The following LRP1B variants were observed in gnomAD, a reference collection of about 807,000 sequenced individuals.
The protein encoded by LRP1B is LDL receptor related protein 1B.
Under a neutral mutation model 556.6 loss-of-function variants are expected in LRP1B, and 217 were observed. The observed-to-expected ratio is 0.39, with a 90% confidence interval of 0.35 to 0.44. The LOEUF (loss-of-function observed/expected upper bound fraction) is 0.44, where lower values mean the gene tolerates loss of function less well. Among genes scored for constraint, LRP1B ranks in the 20% least tolerant of loss-of-function variants. The pLI, the probability that LRP1B is intolerant of heterozygous loss-of-function variation, is 1.00. For missense variants in LRP1B, 5,053 were observed against 5,620.8 expected, an observed-to-expected ratio of 0.90 and a Z score of 3.23; for synonymous variants, 2,047 against 1,865.8, an observed-to-expected ratio of 1.10 and a Z score of -2.50.
chr2:140,597,519 C>A (rs1682491433), intron 43 of LRP1B, among the ~76,000 whole-genome samples: 1 of 152,106 alleles, frequency 6.6e-6, no homozygotes, highest in South Asian at 2.1e-4. Flanking sequence ...ATGCTGCATT[C>A]TGAGTCATAT....
In LRP1B at chr2:141,720,145, A is replaced by G. The variant is rs529713350; in HGVS notation, c.205+90134T>C. On this transcript the variant is annotated intron_variant, in intron 2 of 90. Coordinates refer to ENST00000389484, the MANE Select transcript of LRP1B (RefSeq NM_018557.3). ...AAAAACAATGTTTGGCATTACCTCT[A>G]TTAAAAGGAATTGTCATCTATCTGT... Among the ~76,000 whole-genome samples, 14 of 152,280 alleles carry G rather than the reference A, an allele frequency of 9.2e-5. No individual in the cohort carries two copies. In the East Asian group the frequency reaches 1.2e-3, roughly 13 times the overall value.
intron 6 of LRP1B, among the ~76,000 whole-genome samples, chr2:141,217,684 A>G (rs2105267893): frequency 6.6e-6 from 1 of 152,290 alleles, no homozygotes; most frequent in African/African-American, 2.4e-5. Context: ...TATGCAAAGA[A>G]TTTTTGACTA....
rs757662062 is a variant in LRP1B, at chr2:140,534,081, C to T, written c.7702G>A (p.Gly2568Ser). 1.9e-6 allele frequency: 3 copies of T among 1,613,422 alleles called. No homozygotes were observed. The highest frequency in any genetic ancestry group is 2.5e-6 in the Non-Finnish European group (3 of 1,179,608). ...PCYNRRCIPH[G>S]KLCDGENDCG... Reference sequence around the variant, plus strand: ...TCATTTTCTCCATCACATAACTTGCCATGAGGAATGCAGCGGCGATTATAG... The same window carrying T: ...TCATTTTCTCCATCACATAACTTGCTATGAGGAATGCAGCGGCGATTATAG... Residue 2568 changes from glycine (G) to serine (S), a missense_variant, in exon 47 of 91, where the codon GGC becomes AGC. Transcript: ENST00000389484.
At chr2:141,362,267 C>T (rs1386548936) in intron 3 of LRP1B, among the ~76,000 whole-genome samples, 1 of 152,092 alleles carries the variant, frequency 6.6e-6, no homozygotes, top group African/African-American at 2.4e-5. Flanking sequence ...TAGGAAAAAC[C>T]TTTCTATCCT....
chr2:141,803,798 G>A (rs1696087524), intron 2 of LRP1B, among the ~76,000 whole-genome samples: 1 of 152,070 alleles, frequency 6.6e-6, no homozygotes, highest in South Asian at 2.1e-4. Flanking sequence ...TCTGACCTAT[G>A]TCAAAGATAG....
chr2:140,647,445 T>C (rs529227599), intron 41 of LRP1B, among the ~76,000 whole-genome samples: 15 of 152,276 alleles, frequency 9.9e-5, no homozygotes, highest in African/African-American at 3.4e-4. Flanking sequence ...TTACCATACA[T>C]AAATTGACAT....
intron 7 of LRP1B, among the ~76,000 whole-genome samples, chr2:141,139,347 T>C (rs1023345288): frequency 2.0e-5 from 3 of 151,914 alleles, no homozygotes; most frequent in Non-Finnish European, 2.9e-5. Context: ...ATAAAAAAAA[T>C]GATAAACTTC....
intron 2 of LRP1B, among the ~76,000 whole-genome samples, chr2:141,736,235 T>A (rs1400304876): frequency 6.6e-6 from 1 of 152,158 alleles, no homozygotes; most frequent in Non-Finnish European, 1.5e-5. Flanking sequence ...GTAATATGCA[T>A]CTGTGGCCAC....
chr2:141,571,899 T>G (rs995877096), intron 2 of LRP1B, among the ~76,000 whole-genome samples: 4 of 151,910 alleles, frequency 2.6e-5, no homozygotes, highest in African/African-American at 4.8e-5. Flanking sequence ...TGACAAGGAA[T>G]GAACAAAGCC....
intron 1 of LRP1B, among the ~76,000 whole-genome samples, chr2:142,046,079 G>C (rs1205324890): frequency 6.6e-6 from 1 of 151,846 alleles, no homozygotes; most frequent in Non-Finnish European, 1.5e-5. Flanking sequence ...ATGAATAAAA[G>C]GAGAGACCAA....
intron 1 of LRP1B, among the ~76,000 whole-genome samples, chr2:141,915,605 G>GCTACT (rs1700010361): frequency 6.6e-6 from 1 of 152,060 alleles, no homozygotes; most frequent in African/African-American, 2.4e-5. Flanking sequence ...AAGCTAAAGA[G>GCTACT]CTACTGCACA....
At chr2:140,342,585 T>C (rs16843818) in intron 77 of LRP1B, among the ~76,000 whole-genome samples, 2,651 of 151,712 alleles carry the variant, frequency 0.017, 85 homozygotes, top group African/African-American at 0.061. Flanking sequence ...TATGCTATAA[T>C]GCTACAGAAC....
intron 3 of LRP1B, among the ~76,000 whole-genome samples, chr2:141,466,171 G>A (rs535748223): frequency 2.0e-5 from 3 of 152,338 alleles, no homozygotes; most frequent in African/African-American, 7.2e-5. Flanking sequence ...ACAGGCATGA[G>A]CCACTGCGCC....
chr2:140,342,325 T>A (rs756267894), intron 77 of LRP1B, among the ~76,000 whole-genome samples: 3 of 151,386 alleles, frequency 2.0e-5, no homozygotes, highest in Non-Finnish European at 1.5e-5. Flanking sequence ...TATTTACTAT[T>A]CAGTGAAGGC....
intron 43 of LRP1B, among the ~76,000 whole-genome samples, chr2:140,594,266 G>A (rs1379212462): frequency 6.6e-6 from 1 of 152,016 alleles, no homozygotes; most frequent in Non-Finnish European, 1.5e-5. Context: ...CACCGCGCCT[G>A]GCCCATGTTA....
At chr2:140,382,158 T>C (rs1176590176) in intron 67 of LRP1B, among the ~76,000 whole-genome samples, 1 of 152,174 alleles carries the variant, frequency 6.6e-6, no homozygotes, top group African/African-American at 2.4e-5. Flanking sequence ...ATGTTAGCAT[T>C]TGACAAGAAT....
intron 1 of LRP1B, among the ~76,000 whole-genome samples, chr2:141,869,654 G>C (rs924599155): frequency 2.0e-5 from 3 of 152,066 alleles, no homozygotes; most frequent in Admixed American, 6.6e-5. Flanking sequence ...CTTCAGGCAC[G>C]CTACCAGTTA....
chr2:140,535,126 G>A (rs1021564882), intron 46 of LRP1B, among the ~76,000 whole-genome samples: 1 of 152,126 alleles, frequency 6.6e-6, no homozygotes, highest in Non-Finnish European at 1.5e-5. Flanking sequence ...CAGAGGATAT[G>A]TGACAGAAAG....
chr2:142,111,303 G>T (rs1489360450), intron 1 of LRP1B, among the ~76,000 whole-genome samples: 1 of 152,042 alleles, frequency 6.6e-6, no homozygotes, highest in African/African-American at 2.4e-5. Context: ...CATGGCCAGT[G>T]TTATACAGCT....
Sources: gnomAD v4.1 joint callset for allele counts (sites outside exome capture counted in the v4.1 genomes callset) on GRCh38, gnomAD v4.1.1 for gene constraint, MANE v1.5 for transcripts, NCBI Gene and HGNC (gene_info 2026-07-23, HGNC 2026-07-21) for gene names.